KANK4: variants seen among roughly 807,000 people sequenced by gnomAD.
KANK4 encodes the protein KN motif and ankyrin repeat domain-containing protein 4.
In KANK4, 50 loss-of-function variants were observed where a neutral mutation model predicts 80.8. The observed-to-expected ratio is 0.62, with a 90% confidence interval of 0.49 to 0.78. The LOEUF (loss-of-function observed/expected upper bound fraction) is 0.78, where lower values mean the gene tolerates loss of function less well. Among genes scored for constraint, KANK4 ranks in the 30% least tolerant of loss-of-function variants. KANK4 has a pLI of 0.00. For missense variants in KANK4, 1,196 were observed against 1,240.1 expected (o/e 0.96, Z 0.53); for synonymous variants, 465 against 506.9 (o/e 0.92, Z 1.11).
At chr1:62,276,423 C>T (rs114921564) in intron 2 of KANK4, among the ~76,000 whole-genome samples, 395 of 152,250 alleles carry the variant, frequency 2.6e-3, no homozygotes, top group African/African-American at 8.8e-3. Flanking sequence ...GGGGAAGTTA[C>T]TTAGCCTTCC....
chr1:62,267,521 G>A (rs1444202694), intron 5 of KANK4, among the ~76,000 whole-genome samples: 5 of 152,160 alleles, frequency 3.3e-5, no homozygotes, highest in Admixed American at 3.3e-4. Context: ...CACATCACCA[G>A]CCAGGCACGG....
chr1:62,312,462 C>G (rs1254325204), intron 1 of KANK4, among the ~76,000 whole-genome samples: 1 of 152,180 alleles, frequency 6.6e-6, no homozygotes, highest in Non-Finnish European at 1.5e-5. Flanking sequence ...GCTCTTGACC[C>G]TAAGTTAAGA....
intron 1 of KANK4, among the ~76,000 whole-genome samples, chr1:62,299,278 C>T (rs1644392702): frequency 6.6e-6 from 1 of 152,074 alleles, no homozygotes; most frequent in Non-Finnish European, 1.5e-5. Flanking sequence ...CCAGGCTGGT[C>T]TCAAAGTCCT....
rs1393025509 is a variant in KANK4 at position 62,263,188 on chromosome 1, GT to G, written c.2442del (p.Lys814AsnfsTer27). ...EVQPHSPHFLKLLVNLADHNG... is the reference protein window; with the variant it reads ...EVQPHSPHFLXLLVNLADHNG... ...TTGTGATCGGCCAAGTTGACAAGCAGTTTCAGGAAGTGTGGGGAGTGAGGCT... is the reference window on the plus strand; with the variant it reads ...TTGTGATCGGCCAAGTTGACAAGCAGTTCAGGAAGTGTGGGGAGTGAGGCT... On this transcript the variant is annotated frameshift_variant, in exon 7 of 10. Transcript: ENST00000371153. LOFTEE classifies it high-confidence loss of function. 1 of 1,613,980 alleles carries G rather than the reference GT, an allele frequency of 6.2e-7. No homozygotes were observed. The highest frequency in any genetic ancestry group is 8.5e-7 in the Non-Finnish European group (1 of 1,179,890).
intron 2 of KANK4, among the ~76,000 whole-genome samples, chr1:62,279,161 T>C (rs527840738): frequency 6.6e-6 from 1 of 151,544 alleles, no homozygotes; most frequent in Admixed American, 6.6e-5. Flanking sequence ...ACAGGTTTAA[T>C]AGCAGGTTTA....
In KANK4 at chr1:62,263,111, C is replaced by T. The variant is rs532705606; in HGVS notation, c.2520G>A (p.Val840=). ...YSVSHSNFSI[V]KLLLETGVCN... ...TCTGACCTGTCTCCAGCAGCAGCTT[C>T]ACGATGGAGAAGTTGGAGTGGGACA... The change falls in exon 7 of 10, where the codon GTG becomes GTA. Residue 840 remains valine, a synonymous_variant. Coordinates refer to ENST00000371153, the MANE Select transcript of KANK4 (RefSeq NM_181712.5). The T allele has an allele frequency of 1.1e-5, 17 of 1,612,540 alleles. No individual in the cohort carries two copies. The highest frequency in any genetic ancestry group is 2.7e-5 in the African/African-American group (2 of 74,996).
Position 62,263,167 on chromosome 1 carries a change from G to A in KANK4, c.2464C>T (p.His822Tyr), listed in dbSNP as rs1456938380. Residue 822 changes from histidine to tyrosine, a missense_variant, in exon 7 of 10, where the codon CAC (histidine) becomes TAC (tyrosine). This residue lies in a region of KANK4 where 1,154 missense variants were observed against 1,179.6 expected (regional missense o/e 0.98). Coordinates refer to ENST00000371153, the MANE Select transcript of KANK4 (RefSeq NM_181712.5). ...TAGTGAAGGGCCGTGTTCCCGTTGTGATCGGCCAAGTTGACAAGCAGTTTC... is the reference window on the plus strand; with the variant it reads ...TAGTGAAGGGCCGTGTTCCCGTTGTAATCGGCCAAGTTGACAAGCAGTTTC... ...FLKLLVNLAD[H>Y]NGNTALHYSV... The A allele has an allele frequency of 1.2e-6, 2 of 1,613,930 alleles. No homozygotes were observed. The highest frequency in any genetic ancestry group is 1.7e-6 in the Non-Finnish European group (2 of 1,179,914).
chr1:62,275,459 A>C (rs180981862), intron 2 of KANK4, among the ~76,000 whole-genome samples: 2 of 152,322 alleles, frequency 1.3e-5, no homozygotes, highest in African/African-American at 2.4e-5. Flanking sequence ...GAATTTGCCA[A>C]ATCAGGGTAC....
intron 5 of KANK4, among the ~76,000 whole-genome samples, chr1:62,267,340 T>A (rs1202578019): frequency 6.6e-6 from 1 of 152,228 alleles, no homozygotes; most frequent in Non-Finnish European, 1.5e-5. Flanking sequence ...CAAGCACTCT[T>A]CCTGTGTTGA....
intron 8 of KANK4, among the ~76,000 whole-genome samples, chr1:62,251,223 G>GC (rs1241335974): frequency 6.6e-6 from 1 of 152,136 alleles, no homozygotes; most frequent in South Asian, 2.1e-4. Flanking sequence ...TCCTCACACT[G>GC]CCCTGTGGGA....
intron 7 of KANK4, among the ~76,000 whole-genome samples, chr1:62,257,947 T>A (rs1026391176): frequency 2.6e-5 from 4 of 152,146 alleles, no homozygotes; most frequent in African/African-American, 9.7e-5. Context: ...GCTACAAGAC[T>A]GTGAGCTACC....
chr1:62,280,040 C>G (rs1462807499), intron 2 of KANK4, among the ~76,000 whole-genome samples: 1 of 151,998 alleles, frequency 6.6e-6, no homozygotes, highest in Non-Finnish European at 1.5e-5. Flanking sequence ...TCTGAAGGGA[C>G]AAGTGAAGTA....
chr1:62,260,582 G>A (rs1413640888), intron 7 of KANK4, among the ~76,000 whole-genome samples: 48 of 152,080 alleles, frequency 3.2e-4, no homozygotes, highest in Admixed American at 3.1e-3. Context: ...CCTTCCCCAA[G>A]CCTGTCGCTT....
intron 1 of KANK4, among the ~76,000 whole-genome samples, chr1:62,308,267 G>A (rs1442936681): frequency 4.6e-5 from 7 of 152,192 alleles, no homozygotes; most frequent in South Asian, 2.1e-4. Flanking sequence ...CAGGAAAGCC[G>A]GCTGGAGAGG....
At chr1:62,265,083 G>A (rs971062112) in intron 6 of KANK4, among the ~76,000 whole-genome samples, 18 of 152,142 alleles carry the variant, frequency 1.2e-4, no homozygotes, top group Admixed American at 1.3e-4. Context: ...CGTCCATCTC[G>A]GCCTTCCAAA....
chr1:62,278,397 C>CTTTCTTTTTT (rs1553130867), intron 2 of KANK4, among the ~76,000 whole-genome samples: 1 of 29,232 alleles, frequency 3.4e-5, no homozygotes, highest in African/African-American at 1.4e-4. Context: ...TTCTTTCTTT[C>CTTTCTTTTTT]TTTTTTTTTT....
At chr1:62,279,839 G>C (rs1467276033) in intron 2 of KANK4, among the ~76,000 whole-genome samples, 1 of 152,148 alleles carries the variant, frequency 6.6e-6, no homozygotes, top group Non-Finnish European at 1.5e-5. Context: ...TGAGTCTGGG[G>C]AGAAGAAAAA....
intron 1 of KANK4, among the ~76,000 whole-genome samples, chr1:62,283,333 T>C (rs376713183): frequency 6.6e-6 from 1 of 152,088 alleles, no homozygotes; most frequent in African/African-American, 2.4e-5. Flanking sequence ...CTTTACACCA[T>C]CACCCAAAGA....
At chr1:62,255,098 G>T (rs746802329) in intron 7 of KANK4, among the ~76,000 whole-genome samples, 1 of 151,366 alleles carries the variant, frequency 6.6e-6, no homozygotes, top group African/African-American at 2.4e-5. Flanking sequence ...TGTTGGTCAG[G>T]CTGGTCTCAA....
Sources: gnomAD v4.1 joint callset for allele counts (sites outside exome capture counted in the v4.1 genomes callset) on GRCh38, gnomAD v4.1.1 for gene constraint, gnomAD v4.1.1 regional missense constraint, MANE v1.5 for transcripts, NCBI Gene and HGNC (gene_info 2026-07-23, HGNC 2026-07-21) for gene names.